ASTN2: variants seen among roughly 807,000 people sequenced by gnomAD.
The protein encoded by ASTN2 is astrotactin 2.
In ASTN2, 54 loss-of-function variants were observed where a neutral mutation model predicts 139.8. That is an observed-to-expected ratio of 0.39 (90% CI 0.31 to 0.48). The LOEUF (loss-of-function observed/expected upper bound fraction) is 0.48, where lower values mean the gene tolerates loss of function less well. Among genes scored for constraint, ASTN2 ranks in the 20% least tolerant of loss-of-function variants. The pLI, the probability that ASTN2 is intolerant of heterozygous loss-of-function variation, is 0.95. For synonymous variants in ASTN2, 756 were observed against 719.5 expected, an observed-to-expected ratio of 1.05 and a Z score of -0.81; for missense variants, 1,565 against 1,725.1, an observed-to-expected ratio of 0.91 and a Z score of 1.64.
At chr9:116,687,221 G>C (rs1037756936) in intron 16 of ASTN2, 289 of 1,006,140 alleles carry the variant, frequency 2.9e-4, no homozygotes, top group Non-Finnish European at 3.3e-4. Context: ...CTTGGGGCCA[G>C]CTGCACGACA....
chr9:116,699,792 T>G lies in ASTN2; in HGVS notation c.2806+25979A>C. ...TGTTAGTGGCACATGCAGAATAGAC[T>G]CAGCCTATGTCCTGATTCCAGCTGG... On this transcript the variant is annotated intron_variant, in intron 16 of 22. Transcript: ENST00000313400. The surrounding 1 kb of genome is among the most constrained non-coding windows in gnomAD (Gnocchi z 4.2). 6.4e-7 allele frequency: 1 copy of G among 1,569,258 alleles called. No homozygotes were observed. Among genetic ancestry groups the G allele is most frequent in the East Asian group, 2.2e-5 (1 of 44,502 alleles).
chr9:116,451,924 A>G (rs1346490821), intron 20 of ASTN2, among the ~76,000 whole-genome samples: 1 of 151,798 alleles, frequency 6.6e-6, no homozygotes, highest in Middle Eastern at 3.2e-3. Context: ...GGCTTTAACA[A>G]CAATGACTGT....
At chr9:116,609,056 A>C (rs1457067266) in intron 19 of ASTN2, among the ~76,000 whole-genome samples, 18 of 152,082 alleles carry the variant, frequency 1.2e-4, no homozygotes, top group Admixed American at 9.8e-4. Flanking sequence ...GATAACAAAT[A>C]ATTTTTGAAA....
intron 1 of ASTN2, among the ~76,000 whole-genome samples, chr9:117,358,987 A>G (rs1314041493): frequency 6.6e-6 from 1 of 152,154 alleles, no homozygotes; most frequent in Non-Finnish European, 1.5e-5. Flanking sequence ...GAGGTTAAGC[A>G]AGGTTTAAAT....
At chr9:116,450,191 C>T (rs1264839731) in intron 20 of ASTN2, among the ~76,000 whole-genome samples, 1 of 152,186 alleles carries the variant, frequency 6.6e-6, no homozygotes. Flanking sequence ...CAACCACACT[C>T]TTTTTTGGTT....
chr9:117,401,964 A>G (rs1438362187), intron 1 of ASTN2, among the ~76,000 whole-genome samples: 1 of 152,218 alleles, frequency 6.6e-6, no homozygotes, highest in Admixed American at 6.5e-5. Context: ...GAGAAGGGAG[A>G]GGCAGCAGGA....
intron 3 of ASTN2, among the ~76,000 whole-genome samples, chr9:117,156,931 T>C (rs79144374): frequency 0.011 from 1,670 of 152,152 alleles, 13 homozygotes; most frequent in Non-Finnish European, 0.015. Flanking sequence ...TCAACATGTA[T>C]GAGGTTAGGA....
At chr9:116,862,484 C>A (rs867567937) in intron 11 of ASTN2, among the ~76,000 whole-genome samples, 1 of 151,948 alleles carries the variant, frequency 6.6e-6, no homozygotes, top group South Asian at 2.1e-4. Context: ...GGGTCACCTG[C>A]GGGGAGGGAA....
At chr9:117,120,377 G>C (rs1829527545) in intron 4 of ASTN2, among the ~76,000 whole-genome samples, 1 of 152,002 alleles carries the variant, frequency 6.6e-6, no homozygotes, top group Non-Finnish European at 1.5e-5. Flanking sequence ...CATGAGGAAG[G>C]CCACCATGCC....
intron 16 of ASTN2, among the ~76,000 whole-genome samples, chr9:116,724,585 C>G (rs564415898): frequency 9.2e-5 from 14 of 152,322 alleles, no homozygotes; most frequent in African/African-American, 2.9e-4. Context: ...CGTGAAAGCT[C>G]CCTTCTTCTC....
rs759016258 is a variant in ASTN2 at position 116,699,144 on chromosome 9, C to T, written c.2806+26627G>A. ...CCACTGCGTGGCCTGTCACAGGAGC[C>T]AGCTGAGCAAACCATGGGGTATCAC... On this transcript the variant is annotated intron_variant, in intron 16 of 22. Transcript: ENST00000313400. The surrounding 1 kb of genome is among the most constrained non-coding windows in gnomAD (Gnocchi z 4.2). 2 of 1,614,238 alleles carry T rather than the reference C, an allele frequency of 1.2e-6. No individual in the cohort carries two copies. Among genetic ancestry groups the T allele is most frequent in the Non-Finnish European group, 1.7e-6 (2 of 1,180,038 alleles).
At chr9:117,015,467 T>C (rs1468488628) in intron 6 of ASTN2, among the ~76,000 whole-genome samples, 3 of 152,146 alleles carry the variant, frequency 2.0e-5, no homozygotes, top group African/African-American at 7.2e-5. Context: ...ACAAATGTCA[T>C]GAATAAGTGA....
At chr9:116,759,524 G>C (rs1423398375) in intron 13 of ASTN2, among the ~76,000 whole-genome samples, 1 of 151,954 alleles carries the variant, frequency 6.6e-6, no homozygotes, top group East Asian at 1.9e-4. Flanking sequence ...CTTCTCTTCT[G>C]GGTCACTGAC....
At chr9:116,495,964 C>G (rs1215950609) in intron 19 of ASTN2, among the ~76,000 whole-genome samples, 1 of 152,126 alleles carries the variant, frequency 6.6e-6, no homozygotes, top group East Asian at 1.9e-4. Flanking sequence ...AACATACTCC[C>G]ACCACAGGGC....
At chr9:116,932,758 C>T (rs1296905379) in intron 10 of ASTN2, among the ~76,000 whole-genome samples, 1 of 152,086 alleles carries the variant, frequency 6.6e-6, no homozygotes, top group African/African-American at 2.4e-5. Context: ...GTACTTCCAG[C>T]ACTTTGAGAG....
At chr9:117,314,863 TATAA>T (rs1564142099) in intron 1 of ASTN2, among the ~76,000 whole-genome samples, 1 of 146,270 alleles carries the variant, frequency 6.8e-6, no homozygotes, top group Non-Finnish European at 1.5e-5. Flanking sequence ...TACGTAATAT[TATAA>T]ATATATATGT....
chr9:117,209,790 T>A (rs1832059667), intron 3 of ASTN2, among the ~76,000 whole-genome samples: 1 of 152,150 alleles, frequency 6.6e-6, no homozygotes, highest in African/African-American at 2.4e-5. Context: ...TCTCCAGGAT[T>A]AGCCATACGT....
chr9:116,796,002 A>C (rs1310740330), intron 13 of ASTN2, among the ~76,000 whole-genome samples: 3 of 152,210 alleles, frequency 2.0e-5, no homozygotes, highest in South Asian at 4.1e-4. Context: ...CAGGAAGAGG[A>C]TCTAGTCCCT....
chr9:116,746,646 GT>G (rs1024553758), intron 13 of ASTN2, among the ~76,000 whole-genome samples: 4 of 151,998 alleles, frequency 2.6e-5, no homozygotes, highest in African/African-American at 7.3e-5. Flanking sequence ...CACATTCTAG[GT>G]TTTTTTCTTT....
Sources: gnomAD v4.1 joint callset for allele counts (sites outside exome capture counted in the v4.1 genomes callset) on GRCh38, gnomAD v4.1.1 for gene constraint, Gnocchi (gnomAD v3.1) non-coding constraint, MANE v1.5 for transcripts, NCBI Gene and HGNC (gene_info 2026-07-23, HGNC 2026-07-21) for gene names.